Variants in GABBR2 observed in about 807,000 individuals in gnomAD.
GABBR2 encodes gamma-aminobutyric acid type B receptor subunit 2.
In GABBR2, 23 loss-of-function variants were observed where a neutral mutation model predicts 105.6. The observed-to-expected ratio is 0.22, with a 90% CI of 0.16 to 0.31. GABBR2 has a LOEUF of 0.31. Among genes scored for constraint, GABBR2 ranks in the 10% least tolerant of loss-of-function variants. The pLI is 1.00. For missense variants in GABBR2, 734 were observed against 1,245.5 expected (o/e 0.59, Z 6.18); for synonymous variants, 478 against 499.7 (o/e 0.96, Z 0.58).
intron 13 of GABBR2, among the ~76,000 whole-genome samples, chr9:98,340,182 G>GTTTTTTTT (rs1564023658): frequency 6.7e-6 from 1 of 149,258 alleles, no homozygotes; most frequent in Non-Finnish European, 1.5e-5. Flanking sequence ...TCCAGTGAGG[G>GTTTTTTTT]GTTTTTTTTT....
chr9:98,302,896 A>T, intron 16 of GABBR2: 1 of 259,154 alleles, frequency 3.9e-6, no homozygotes. Flanking sequence ...AGAGTGAAAA[A>T]CTGAGAGGGA....
chr9:98,328,499 C>T (rs557285371), intron 13 of GABBR2, among the ~76,000 whole-genome samples: 80 of 152,076 alleles, frequency 5.3e-4, no homozygotes, highest in African/African-American at 1.8e-3. Context: ...AATGGGTGCA[C>T]GTTGCAAACA....
At position 98,311,234 on chromosome 9, in the gene GABBR2, GA is replaced by G. The variant is rs1036265657; in HGVS notation, c.1894-30del. On this transcript the variant is annotated intron_variant, in intron 13 of 18. Coordinates refer to ENST00000259455, the MANE Select transcript of GABBR2 (RefSeq NM_005458.8). ...TGCAAAGAGAAAACAGAGACTCAGGGATGGCACAGGACACTCTTCCAGCAAC... is the reference window on the plus strand; with the variant it reads ...TGCAAAGAGAAAACAGAGACTCAGGGTGGCACAGGACACTCTTCCAGCAAC... The G allele has an allele frequency of 2.2e-6, 3 of 1,376,642 alleles. No individual in the cohort carries two copies. The African/African-American group carries it at 4.3e-5, about 20-fold the overall frequency. 85.3% of individuals were successfully genotyped at this position (1,376,642 alleles called of 1,614,324 possible). A position where few individuals can be genotyped will look rare whatever the true frequency, so the allele number is the denominator to read the frequency against.
intron 7 of GABBR2, among the ~76,000 whole-genome samples, chr9:98,422,953 A>G (rs1832810735): frequency 6.6e-6 from 1 of 152,114 alleles, no homozygotes; most frequent in African/African-American, 2.4e-5. Flanking sequence ...ATCATTTTTT[A>G]AGGCTGCACA....
intron 3 of GABBR2, among the ~76,000 whole-genome samples, chr9:98,535,064 A>G (rs1828144192): frequency 6.6e-6 from 1 of 152,172 alleles, no homozygotes; most frequent in Admixed American, 6.5e-5. Flanking sequence ...CTCCTCATCC[A>G]TGGATTCAAC....
intron 13 of GABBR2, among the ~76,000 whole-genome samples, chr9:98,321,507 G>C (rs1411522617): frequency 6.6e-6 from 1 of 152,194 alleles, no homozygotes; most frequent in Non-Finnish European, 1.5e-5. Flanking sequence ...ACCAGTGGCT[G>C]AACCACCTCT....
At chr9:98,700,698 C>T (rs1195348928) in intron 1 of GABBR2, among the ~76,000 whole-genome samples, 2 of 152,204 alleles carry the variant, frequency 1.3e-5, no homozygotes, top group Non-Finnish European at 2.9e-5. Context: ...CCTTATGTTT[C>T]CCAGCCTCCT....
chr9:98,341,389 G>C (rs906468912), intron 13 of GABBR2, among the ~76,000 whole-genome samples: 1 of 152,200 alleles, frequency 6.6e-6, no homozygotes, highest in African/African-American at 2.4e-5. Flanking sequence ...TGAAGTTCTT[G>C]TTTTAATAAC....
At chr9:98,602,792 G>A (rs910585504) in intron 1 of GABBR2, among the ~76,000 whole-genome samples, 2 of 152,208 alleles carry the variant, frequency 1.3e-5, no homozygotes, top group Admixed American at 6.5e-5. Context: ...ACTACCTTGT[G>A]CCTGTCACAG....
intron 3 of GABBR2, chr9:98,516,210 T>C (rs1827754499): frequency 1.3e-5 from 2 of 152,244 alleles, no homozygotes; most frequent in African/African-American, 4.8e-5. Flanking sequence ...GGCATCACAA[T>C]CAGAGAATGG....
chr9:98,500,786 C>G (rs1231213279), intron 3 of GABBR2, among the ~76,000 whole-genome samples: 3 of 152,160 alleles, frequency 2.0e-5, no homozygotes, highest in Non-Finnish European at 4.4e-5. Flanking sequence ...AAGCATGTCC[C>G]TGAAGCAGTG....
intron 7 of GABBR2, among the ~76,000 whole-genome samples, chr9:98,439,527 T>A (rs888905644): frequency 6.6e-6 from 1 of 152,228 alleles, no homozygotes; most frequent in African/African-American, 2.4e-5. Context: ...AAATCTCCTT[T>A]GAAAAACAAG....
intron 1 of GABBR2, among the ~76,000 whole-genome samples, chr9:98,700,186 T>C (rs1038840253): frequency 4.6e-5 from 7 of 152,176 alleles, no homozygotes; most frequent in Non-Finnish European, 8.8e-5. Context: ...TCCAGCTCTG[T>C]ATCCCAGAGC....
At chr9:98,576,904 TTGGATGGATGGA>T (rs71369567) in intron 2 of GABBR2, among the ~76,000 whole-genome samples, 126 of 99,604 alleles carry the variant, frequency 1.3e-3, no homozygotes, top group South Asian at 2.9e-3. Flanking sequence ...AAAATATTTG[TTGGATGGATGGA>T]TGGATGGATG....
At chr9:98,498,707 A>G (rs548425193) in intron 3 of GABBR2, among the ~76,000 whole-genome samples, 36 of 152,246 alleles carry the variant, frequency 2.4e-4, no homozygotes, top group Non-Finnish European at 2.8e-4. Context: ...AGTCAGCGTG[A>G]ACCTTGTCCA....
intron 4 of GABBR2, 92 bp downstream of exon 4, chr9:98,496,321 A>G: frequency 1.2e-6 from 1 of 825,208 alleles, no homozygotes. Flanking sequence ...TGAGACCCAG[A>G]CCAAACTTGA....
intron 1 of GABBR2, among the ~76,000 whole-genome samples, chr9:98,671,774 C>G (rs555402006): frequency 6.6e-6 from 1 of 152,168 alleles, no homozygotes; most frequent in Non-Finnish European, 1.5e-5. Flanking sequence ...TACAATCAGA[C>G]TTTTGAACAG....
At chr9:98,359,732 C>A (rs1831549459) in intron 13 of GABBR2, among the ~76,000 whole-genome samples, 1 of 152,218 alleles carries the variant, frequency 6.6e-6, no homozygotes, top group South Asian at 2.1e-4. Context: ...GCTGTGGCTG[C>A]CATGGCTACC....
intron 13 of GABBR2, among the ~76,000 whole-genome samples, chr9:98,353,435 C>T (rs1183833821): frequency 6.6e-6 from 1 of 152,062 alleles, no homozygotes; most frequent in African/African-American, 2.4e-5. Context: ...ACATTTTGAC[C>T]TCCTCCCACG....
Sources: gnomAD v4.1 joint callset for allele counts (sites outside exome capture counted in the v4.1 genomes callset) on GRCh38, gnomAD v4.1.1 for gene constraint, MANE v1.5 for transcripts, NCBI Gene and HGNC (gene_info 2026-07-23, HGNC 2026-07-21) for gene names.